CRYBG1: variants seen among roughly 807,000 people sequenced by gnomAD.
The protein encoded by CRYBG1 is beta/gamma crystallin domain-containing protein 1.
A neutral mutation model predicts 189.2 loss-of-function variants in CRYBG1; 139 were observed. The observed-to-expected ratio is 0.73, with a 90% CI of 0.64 to 0.85. CRYBG1 has a LOEUF of 0.85. Ranked by LOEUF, CRYBG1 falls within the 40% of genes least tolerant of loss-of-function variation. The pLI is 0.00. For missense variants in CRYBG1, 2,611 were observed against 2,675.8 expected (o/e 0.98, Z 0.53); for synonymous variants, 1,023 against 1,017.1 (o/e 1.01, Z -0.11).
intron 11 of CRYBG1, 146 bp downstream of exon 11, chr6:106,543,743 G>T: frequency 1.0e-6 from 1 of 965,018 alleles, no homozygotes; most frequent in African/African-American, 1.6e-5. Context: ...TCAGCCTATA[G>T]TGACTGGATT....
chr6:106,450,984 C>T (rs953770053), intron 1 of CRYBG1, among the ~76,000 whole-genome samples: 36 of 152,134 alleles, frequency 2.4e-4, no homozygotes, highest in African/African-American at 8.2e-4. Flanking sequence ...AACTGGACAC[C>T]AGGGTTAGAG....
intron 1 of CRYBG1, among the ~76,000 whole-genome samples, chr6:106,389,288 A>G (rs999854638): frequency 6.6e-6 from 1 of 151,990 alleles, no homozygotes; most frequent in Non-Finnish European, 1.5e-5. Context: ...TTCCCATTTT[A>G]ATATTGGTGT....
intron 1 of CRYBG1, among the ~76,000 whole-genome samples, chr6:106,424,230 A>AT (rs912867972): frequency 1.3e-5 from 2 of 152,036 alleles, no homozygotes; most frequent in Non-Finnish European, 2.9e-5. Context: ...AATAAAATGT[A>AT]TTTTTTTCTC....
At chr6:106,525,477 T>C in intron 6 of CRYBG1, 91 bp downstream of exon 6, 1 of 992,860 alleles carries the variant, frequency 1.0e-6, no homozygotes, top group Non-Finnish European at 1.6e-6. Flanking sequence ...TTTAAAATTA[T>C]GGCTTTAGCA....
At chr6:106,424,650 C>T (rs112374514) in intron 1 of CRYBG1, among the ~76,000 whole-genome samples, 151 of 152,070 alleles carry the variant, frequency 9.9e-4, no homozygotes, top group African/African-American at 3.6e-3. Context: ...TTAGTAGAGA[C>T]GGGGTTTCAC....
intron 13 of CRYBG1, 69 bp from the exon 14 acceptor site, chr6:106,551,783 A>T (rs1676010): frequency 0.93 from 1,377,941 of 1,489,040 alleles, 638,824 homozygotes; most frequent in South Asian, 0.96. Flanking sequence ...TGATACATAG[A>T]TATCCAAATA....
Position 106,520,518 on chromosome 6 carries a change from G to T in CRYBG1, c.3310G>T (p.Asp1104Tyr). ...SDDSVFDSSS[D>Y]MEKFTEIIKQ... ...TGATAGTGTATTTGATTCTTCTTCT[G>T]ATATGGAAAAATTCACTGAAATTAT... Residue 1104 changes from aspartate to tyrosine, a missense_variant, in exon 4 of 22, where the codon GAT becomes TAT. Asp to Tyr is a radical substitution (Grantham distance 160). Coordinates refer to ENST00000633556, the MANE Select transcript of CRYBG1 (RefSeq NM_001371242.2). 6.2e-7 allele frequency: 1 copy of T among 1,614,132 alleles called. No individual in the cohort carries two copies. The highest frequency in any genetic ancestry group is 8.5e-7 in the Non-Finnish European group (1 of 1,180,010).
intron 1 of CRYBG1, among the ~76,000 whole-genome samples, chr6:106,398,580 G>T (rs9480663): frequency 0.025 from 3,821 of 152,206 alleles, 171 homozygotes; most frequent in African/African-American, 0.087. Context: ...GAACTAGAAG[G>T]TCCCCCAAGT....
At chr6:106,516,701 G>A in intron 3 of CRYBG1, among the ~76,000 whole-genome samples, 1 of 152,184 alleles carries the variant, frequency 6.6e-6, no homozygotes, top group East Asian at 1.9e-4. Context: ...AGAACCAGAG[G>A]AGCTCATTCA....
chr6:106,389,760 T>C (rs1180019350), intron 1 of CRYBG1, among the ~76,000 whole-genome samples: 2 of 152,078 alleles, frequency 1.3e-5, no homozygotes, highest in South Asian at 2.1e-4. Flanking sequence ...GATATACTTA[T>C]ATATAATATA....
chr6:106,518,124 A>T (rs375192602), intron 3 of CRYBG1, among the ~76,000 whole-genome samples: 98 of 152,330 alleles, frequency 6.4e-4, no homozygotes, highest in African/African-American at 2.2e-3. Flanking sequence ...AAAGCAAGAT[A>T]TCAAATTATA....
At chr6:106,539,267 C>A in intron 8 of CRYBG1, 136 bp from the exon 9 acceptor site, 1 of 966,726 alleles carries the variant, frequency 1.0e-6, no homozygotes, top group Non-Finnish European at 1.5e-6. Flanking sequence ...ATTCTAACAC[C>A]TGAGTCCAAC....
chr6:106,384,217 T>C (rs34747753), intron 1 of CRYBG1, among the ~76,000 whole-genome samples: 40,791 of 152,096 alleles, frequency 0.27, 5,723 homozygotes, highest in Middle Eastern at 0.34. Flanking sequence ...ACCTACTGGC[T>C]TTCTGGGGAC....
intron 3 of CRYBG1, among the ~76,000 whole-genome samples, chr6:106,518,603 C>T (rs1247633659): frequency 6.6e-6 from 1 of 152,000 alleles, no homozygotes; most frequent in Non-Finnish European, 1.5e-5. Flanking sequence ...CATATGCAAG[C>T]AAAACACCCA....
intron 1 of CRYBG1, among the ~76,000 whole-genome samples, chr6:106,414,833 A>T (rs1216636440): frequency 6.6e-6 from 1 of 152,160 alleles, no homozygotes; most frequent in Admixed American, 6.6e-5. Context: ...ACTCCTTTGA[A>T]GGGTACTTTT....
intron 1 of CRYBG1, among the ~76,000 whole-genome samples, chr6:106,446,671 C>T (rs557505741): frequency 9.9e-5 from 15 of 152,116 alleles, no homozygotes; most frequent in Admixed American, 1.3e-4. Context: ...TAGGAAAACT[C>T]GAACTAGATT....
At chr6:106,483,397 T>C (rs1051735415) in intron 2 of CRYBG1, among the ~76,000 whole-genome samples, 7 of 130,908 alleles carry the variant, frequency 5.3e-5, no homozygotes, top group Non-Finnish European at 1.0e-4. Flanking sequence ...TATAGATATA[T>C]ATATAAAACA....
At chr6:106,541,887 A>G (rs2114570909) in intron 10 of CRYBG1, among the ~76,000 whole-genome samples, 1 of 152,242 alleles carries the variant, frequency 6.6e-6, no homozygotes, top group South Asian at 2.1e-4. Flanking sequence ...TCATTGTTAT[A>G]TTGAGTTAAC....
rs149457255 is a variant in CRYBG1, at chr6:106,555,875, A to G, written c.5693A>G (p.Lys1898Arg). 5.0e-6 allele frequency: 8 copies of G among 1,614,060 alleles called. No homozygotes were observed. The highest frequency in any genetic ancestry group is 6.8e-6 in the Non-Finnish European group (8 of 1,180,010). The change falls in exon 17 of 22, where the codon AAG becomes AGG. Residue 1898 changes from lysine (K) to arginine (R), a missense_variant. Physicochemically the swap from Lys to Arg is conservative, Grantham distance 26. This residue lies in a region of CRYBG1 where 1,622 missense variants were observed against 1,735.0 expected (regional missense o/e 0.93). Coordinates refer to ENST00000633556, the MANE Select transcript of CRYBG1 (RefSeq NM_001371242.2). ...AMGCPPGATF[K>R]SLRFIDVEFS... Reference sequence around the variant, plus strand: ...GGATGCCCGCCTGGAGCAACTTTCAAGTCTCTTCGTTTTATAGATGTTGTA... The same window carrying G: ...GGATGCCCGCCTGGAGCAACTTTCAGGTCTCTTCGTTTTATAGATGTTGTA...
Sources: allele counts gnomAD v4.1 joint callset (sites outside exome capture counted in the v4.1 genomes callset), GRCh38; gene constraint gnomAD v4.1.1; regional missense constraint gnomAD v4.1.1; transcripts MANE v1.5; gene names NCBI Gene and HGNC (gene_info 2026-07-23, HGNC 2026-07-21).